The following DDX60L variants were observed in gnomAD, a reference collection of about 807,000 sequenced individuals.
DDX60L encodes DExD/H-box 60 like, also known as probable ATP-dependent RNA helicase DDX60-like.
In DDX60L, 191 loss-of-function variants were observed where a neutral mutation model predicts 211.6. The ratio of observed to expected loss-of-function variants is 0.90; its 90% CI spans 0.80 to 1.02. The LOEUF is 1.02. DDX60L is among the 50% of genes least tolerant of loss of function. DDX60L has a pLI of 0.00. For synonymous variants in DDX60L, 706 were observed against 694.1 expected, an observed-to-expected ratio of 1.02 and a Z score of -0.27; for missense variants, 2,007 against 1,984.1, an observed-to-expected ratio of 1.01 and a Z score of -0.22.
intron 7 of DDX60L, among the ~76,000 whole-genome samples, chr4:168,454,094 C>T (rs532398606): frequency 6.6e-6 from 1 of 152,128 alleles, no homozygotes; most frequent in Admixed American, 6.5e-5. Context: ...CACACTCCCA[C>T]CCACGGCACA....
At chr4:168,441,273 G>A (rs1753787733) in intron 10 of DDX60L, 64 bp downstream of exon 10, 2 of 1,402,852 alleles carry the variant, frequency 1.4e-6, no homozygotes, top group Admixed American at 2.4e-5. Flanking sequence ...TGAATTATTA[G>A]GGCTTCTAAA....
chr4:168,397,957 A>C (rs894489938), intron 26 of DDX60L, among the ~76,000 whole-genome samples: 3 of 152,034 alleles, frequency 2.0e-5, no homozygotes, highest in African/African-American at 7.2e-5. Context: ...AGCAGGCAGG[A>C]GCCCCGCCCT....
At chr4:168,421,933 G>T in intron 16 of DDX60L, 24 bp from the exon 17 acceptor site, 1 of 1,613,842 alleles carries the variant, frequency 6.2e-7, no homozygotes, top group East Asian at 2.2e-5. Flanking sequence ...AGCACCATTT[G>T]TGTCAAGAAA....
At chr4:168,403,175 T>C (rs1246545930) in intron 25 of DDX60L, among the ~76,000 whole-genome samples, 1 of 152,262 alleles carries the variant, frequency 6.6e-6, no homozygotes, top group Non-Finnish European at 1.5e-5. Flanking sequence ...TCCCCACATT[T>C]GTGACTTCAG....
At position 168,406,617 on chromosome 4, in the gene DDX60L, A is replaced by G; in HGVS notation, c.3069T>C (p.Thr1023=). 1.9e-6 allele frequency: 3 copies of G among 1,598,044 alleles called. No individual in the cohort carries two copies. The highest frequency in any genetic ancestry group is 2.6e-6 in the Non-Finnish European group (3 of 1,171,164). Residue 1023 remains threonine, a synonymous_variant, in exon 23 of 38, where the codon ACT becomes ACC. Coordinates refer to ENST00000682922, the MANE Select transcript of DDX60L (RefSeq NM_001012967.3). The part of the protein sequence containing the change: ...LYDTMAQVWE[T]WPRAQELCPE... ...CTATATTTACCTGAGCCCTGGGCCA[A>G]GTTTCCCAGACTTGAGCCATGGTAT...
intron 25 of DDX60L, among the ~76,000 whole-genome samples, chr4:168,402,274 T>C (rs1173164561): frequency 2.0e-5 from 3 of 152,090 alleles, no homozygotes; most frequent in African/African-American, 4.8e-5. Flanking sequence ...GAAGTTAATA[T>C]GCAACACCCA....
intron 8 of DDX60L, 32 bp from the exon 9 acceptor site, chr4:168,448,811 G>C (rs775494130): frequency 8.9e-6 from 14 of 1,580,938 alleles, no homozygotes; most frequent in Non-Finnish European, 1.1e-5. Context: ...TTATTAGCAG[G>C]GAGGCATGGA....
rs138472098 is a variant in DDX60L, at chr4:168,435,398, A to T, written c.1295-2283T>A. On this transcript the variant is annotated intron_variant, in intron 10 of 37. Coordinates refer to ENST00000682922, the MANE Select transcript of DDX60L (RefSeq NM_001012967.3). Reference sequence around the variant, plus strand: ...TAATGCCACTATTAAGGACTTGAAAAATACAGGAGTGCTGATTTTCCTCAC... The same window carrying T: ...TAATGCCACTATTAAGGACTTGAAATATACAGGAGTGCTGATTTTCCTCAC... Among the ~76,000 whole-genome samples the T allele has an allele frequency of 3.3e-5, 5 of 152,296 alleles. No individual in the cohort carries two copies. In the East Asian group the frequency reaches 9.7e-4, roughly 29 times the overall value.
intron 29 of DDX60L, chr4:168,390,061 G>T: frequency 1.2e-6 from 1 of 864,320 alleles, no homozygotes; most frequent in Non-Finnish European, 1.4e-6. Context: ...TTCCCAGAAA[G>T]GTCTGCCACC....
At chr4:168,392,618 C>G (rs569156961) in intron 28 of DDX60L, among the ~76,000 whole-genome samples, 39 of 152,080 alleles carry the variant, frequency 2.6e-4, no homozygotes, top group Admixed American at 1.0e-3. Flanking sequence ...CCAAGGCAGG[C>G]CGATCACCTG....
intron 25 of DDX60L, among the ~76,000 whole-genome samples, chr4:168,402,217 A>C (rs1322781248): frequency 6.7e-6 from 1 of 148,174 alleles, no homozygotes; most frequent in Non-Finnish European, 1.5e-5. Flanking sequence ...AGCAGAGGCT[A>C]TATGTCTAAC....
intron 28 of DDX60L, 44 bp downstream of exon 28, chr4:168,394,420 TA>T (rs11337868): frequency 1 from 1,503,317 of 1,505,138 alleles, 750,764 homozygotes; most frequent in East Asian, 1. Flanking sequence ...TTCAGCATCA[TA>T]ATATGCACAA....
chr4:168,416,853 A>G (rs147049221), intron 19 of DDX60L, 56 bp from the exon 20 acceptor site: 2 of 980,702 alleles, frequency 2.0e-6, no homozygotes, highest in East Asian at 5.0e-5. Flanking sequence ...TAAATAAAAA[A>G]TAGAAGCATA....
At chr4:168,470,572 CTATT>C (rs1446573739) in intron 4 of DDX60L, 1 of 152,450 alleles carries the variant, frequency 6.6e-6, no homozygotes, top group East Asian at 1.9e-4. Context: ...CTGTAAAATT[CTATT>C]TATTAAAAGT....
intron 36 of DDX60L, among the ~76,000 whole-genome samples, chr4:168,369,648 C>G (rs1176708582): frequency 1.3e-5 from 2 of 150,874 alleles, no homozygotes; most frequent in African/African-American, 4.9e-5. Flanking sequence ...GAGAGATAAC[C>G]TATAAGATGG....
intron 19 of DDX60L, 37 bp from the exon 20 acceptor site, chr4:168,416,834 T>A (rs1749649345): frequency 8.5e-7 from 1 of 1,174,132 alleles, no homozygotes; most frequent in Admixed American, 2.3e-5. Context: ...AAAGTTGATG[T>A]CAAAATCGTA....
chr4:168,423,490 G>C (rs924119686), intron 15 of DDX60L, 118 bp downstream of exon 15: 7 of 675,682 alleles, frequency 1.0e-5, no homozygotes, highest in African/African-American at 1.9e-5. Context: ...ACTAGAATCA[G>C]AGTAAACATA....
intron 36 of DDX60L, among the ~76,000 whole-genome samples, chr4:168,369,728 C>CA (rs541660241): frequency 0.018 from 2,654 of 151,576 alleles, 38 homozygotes; most frequent in Non-Finnish European, 0.028. Context: ...AACATAACAG[C>CA]AAAAAAAATC....
chr4:168,467,255 A>G (rs982645143), intron 4 of DDX60L, among the ~76,000 whole-genome samples: 18 of 152,042 alleles, frequency 1.2e-4, no homozygotes, highest in African/African-American at 4.3e-4. Context: ...TAAAAAATAC[A>G]AAAATTAGCC....
Sources: gnomAD v4.1 joint callset for allele counts (sites outside exome capture counted in the v4.1 genomes callset) on GRCh38, gnomAD v4.1.1 for gene constraint, MANE v1.5 for transcripts, NCBI Gene and HGNC (gene_info 2026-07-23, HGNC 2026-07-21) for gene names.